Variants in RBFOX1 observed in about 807,000 individuals in gnomAD.
RBFOX1 encodes the protein RNA binding protein fox-1 homolog 1.
In RBFOX1, 8 loss-of-function variants were observed where a neutral mutation model predicts 57.7. The observed-to-expected ratio is 0.14, with a 90% CI of 0.08 to 0.25. The LOEUF (loss-of-function observed/expected upper bound fraction) is 0.25, where lower values mean the gene tolerates loss of function less well. RBFOX1 is among the 10% of genes least tolerant of loss of function. RBFOX1 has a pLI of 1.00. For missense variants in RBFOX1, 611 were observed against 548.5 expected (o/e 1.11, Z -1.14); for synonymous variants, 326 against 222.4 (o/e 1.47, Z -4.15).
chr16:5,460,276 C>G (rs2068750434), intron 1 of RBFOX1, among the ~76,000 whole-genome samples: 4 of 152,194 alleles, frequency 2.6e-5, no homozygotes, highest in African/African-American at 9.6e-5. Context: ...CTTTACTTCT[C>G]TGTTTTCATG....
At chr16:5,979,842 C>G (rs534180412) in intron 4 of RBFOX1, among the ~76,000 whole-genome samples, 1 of 152,254 alleles carries the variant, frequency 6.6e-6, no homozygotes, top group Non-Finnish European at 1.5e-5. Flanking sequence ...AGCCTGGCAA[C>G]AGAGTGAGAC....
intron 4 of RBFOX1, among the ~76,000 whole-genome samples, chr16:7,339,765 T>C (rs1044287353): frequency 1.3e-5 from 2 of 152,190 alleles, no homozygotes; most frequent in Non-Finnish European, 2.9e-5. Context: ...AAGAATTCTT[T>C]TGTCTGCGAT....
intron 3 of RBFOX1, among the ~76,000 whole-genome samples, chr16:5,844,357 TA>T (rs965390113): frequency 5.3e-5 from 8 of 152,210 alleles, no homozygotes; most frequent in African/African-American, 1.9e-4. Flanking sequence ...TATGCTGTTC[TA>T]AAAAGCCCTG....
chr16:5,354,542 C>G (rs753033677), intron 1 of RBFOX1, among the ~76,000 whole-genome samples: 4 of 152,160 alleles, frequency 2.6e-5, no homozygotes, highest in Non-Finnish European at 5.9e-5. Context: ...TGGGGCCCAG[C>G]AGAGAAGGGG....
intron 2 of RBFOX1, among the ~76,000 whole-genome samples, chr16:6,648,368 G>A (rs762902211): frequency 6.8e-6 from 1 of 147,636 alleles, no homozygotes; most frequent in Non-Finnish European, 1.5e-5. Context: ...GCTCCCAGGG[G>A]CATCGTACTT....
chr16:6,304,335 T>A (rs2079188205), intron 1 of RBFOX1, among the ~76,000 whole-genome samples: 1 of 151,988 alleles, frequency 6.6e-6, no homozygotes, highest in Non-Finnish European at 1.5e-5. Flanking sequence ...GCATTCCCAA[T>A]GATGTGTTTT....
At chr16:7,448,469 C>T (rs185392624) in intron 4 of RBFOX1, among the ~76,000 whole-genome samples, 1 of 152,268 alleles carries the variant, frequency 6.6e-6, no homozygotes, top group Non-Finnish European at 1.5e-5. Context: ...GTATGCAGGG[C>T]AGCTTCCCTT....
intron 5 of RBFOX1, among the ~76,000 whole-genome samples, chr16:7,550,385 G>A (rs1402169577): frequency 2.6e-5 from 4 of 152,116 alleles, no homozygotes; most frequent in South Asian, 4.1e-4. Flanking sequence ...CAGCTGTGAC[G>A]ATGCCCAGAG....
intron 1 of RBFOX1, among the ~76,000 whole-genome samples, chr16:6,285,009 A>T (rs939956526): frequency 5.9e-5 from 9 of 152,210 alleles, no homozygotes; most frequent in Non-Finnish European, 1.3e-4. Context: ...CTTCAAAGAA[A>T]CATTCACAGT....
intron 4 of RBFOX1, among the ~76,000 whole-genome samples, chr16:7,453,541 A>G (rs182964589): frequency 1.6e-3 from 250 of 152,330 alleles, no homozygotes; most frequent in African/African-American, 5.8e-3. Flanking sequence ...CATTGTGTTC[A>G]TAGTGTATGA....
At chr16:7,184,742 G>A (rs1221097379) in intron 4 of RBFOX1, among the ~76,000 whole-genome samples, 1 of 152,166 alleles carries the variant, frequency 6.6e-6, no homozygotes, top group Non-Finnish European at 1.5e-5. Context: ...TGGAGTTACA[G>A]GTAGAACTTG....
chr16:6,763,187 C>T (rs998766806), intron 3 of RBFOX1, among the ~76,000 whole-genome samples: 1 of 152,180 alleles, frequency 6.6e-6, no homozygotes, highest in Non-Finnish European at 1.5e-5. Flanking sequence ...ATGCCTTCAG[C>T]TCAATGTTTA....
intron 4 of RBFOX1, among the ~76,000 whole-genome samples, chr16:7,394,934 T>C (rs13335280): frequency 0.041 from 6,234 of 152,284 alleles, 446 homozygotes; most frequent in African/African-American, 0.14. Flanking sequence ...AAGGCTGTTA[T>C]GCACGCATGT....
chr16:6,995,998 A>G (rs1048627432), intron 3 of RBFOX1, among the ~76,000 whole-genome samples: 3 of 152,216 alleles, frequency 2.0e-5, no homozygotes, highest in African/African-American at 7.2e-5. Flanking sequence ...AAGTATATTT[A>G]TAGCATACAA....
chr16:6,208,595 C>T (rs17217151), intron 1 of RBFOX1, among the ~76,000 whole-genome samples: 2,914 of 152,286 alleles, frequency 0.019, 43 homozygotes, highest in Non-Finnish European at 0.029. Context: ...TCAATCAACC[C>T]ATGTCCGCTG....
At chr16:7,058,604 CTTCGTG>C (rs1307440123) in intron 4 of RBFOX1, among the ~76,000 whole-genome samples, 2 of 151,728 alleles carry the variant, frequency 1.3e-5, no homozygotes, top group Admixed American at 6.6e-5. Context: ...GCGCATGTGT[CTTCGTG>C]TTTGTATTTT....
rs146853009 is a variant in RBFOX1, at chr16:6,062,152, G to A, written c.-127+42160G>A. ...GATAGGCGTGCAGAGCTTCCTTGCCGTCTCTGGGTGCATCACCTTCTAGGT... is the reference window on the plus strand; with the variant it reads ...GATAGGCGTGCAGAGCTTCCTTGCCATCTCTGGGTGCATCACCTTCTAGGT... On this transcript the variant is annotated intron_variant, in intron 1 of 15. Transcript: ENST00000550418. Among the ~76,000 whole-genome samples, 39 of 152,250 alleles carry A rather than the reference G, an allele frequency of 2.6e-4. No homozygotes were observed. In the East Asian group the frequency reaches 7.1e-3, roughly 28 times the overall value.
chr16:5,897,288 G>A (rs912499689), intron 4 of RBFOX1, among the ~76,000 whole-genome samples: 6 of 151,970 alleles, frequency 3.9e-5, no homozygotes, highest in African/African-American at 1.4e-4. Flanking sequence ...ACCCGCCTCG[G>A]CCTCCCAAAG....
chr16:6,526,006 G>T (rs915779599), intron 2 of RBFOX1, among the ~76,000 whole-genome samples: 4 of 152,170 alleles, frequency 2.6e-5, no homozygotes, highest in Non-Finnish European at 4.4e-5. Flanking sequence ...AAGATATCCA[G>T]TATGAGATTG....
Sources: gnomAD v4.1 joint callset for allele counts (sites outside exome capture counted in the v4.1 genomes callset) on GRCh38, gnomAD v4.1.1 for gene constraint, MANE v1.5 for transcripts, NCBI Gene and HGNC (gene_info 2026-07-23, HGNC 2026-07-21) for gene names.